PDZD2: variants seen among roughly 807,000 people sequenced by gnomAD.
PDZD2 encodes PDZ domain-containing protein 2.
A neutral mutation model predicts 220.7 loss-of-function variants in PDZD2; 90 were observed. The ratio of observed to expected loss-of-function variants is 0.41; its 90% CI spans 0.34 to 0.49. PDZD2 has a LOEUF of 0.49. PDZD2 is among the 20% of genes least tolerant of loss of function. PDZD2 has a pLI of 0.28. For synonymous variants in PDZD2, 1,375 were observed against 1,450.5 expected (o/e 0.95, Z 1.18); for missense variants, 3,174 against 3,608.5 (o/e 0.88, Z 3.08).
At chr5:31,889,635 G>A (rs1174595634) in intron 2 of PDZD2, among the ~76,000 whole-genome samples, 2 of 152,194 alleles carry the variant, frequency 1.3e-5, no homozygotes, top group Non-Finnish European at 2.9e-5. Context: ...GCCAACACTT[G>A]CTTTAAGTGT....
chr5:31,728,130 AT>A (rs1036325586), intron 1 of PDZD2, among the ~76,000 whole-genome samples: 3 of 151,866 alleles, frequency 2.0e-5, no homozygotes, highest in Non-Finnish European at 4.4e-5. Flanking sequence ...CATTATTGAC[AT>A]TTTGGGTGGG....
At chr5:31,810,020 G>A (rs752961155) in intron 2 of PDZD2, among the ~76,000 whole-genome samples, 25 of 152,042 alleles carry the variant, frequency 1.6e-4, no homozygotes, top group African/African-American at 2.2e-4. Context: ...CACTACTTTC[G>A]GGAATTGTAA....
At chr5:31,889,171 T>C (rs1453247859) in intron 2 of PDZD2, among the ~76,000 whole-genome samples, 1 of 152,232 alleles carries the variant, frequency 6.6e-6, no homozygotes, top group African/African-American at 2.4e-5. Context: ...CCCAGCCACT[T>C]GAAATCTGAA....
chr5:31,951,795 A>G (rs1255031720), intron 2 of PDZD2, among the ~76,000 whole-genome samples: 1 of 152,196 alleles, frequency 6.6e-6, no homozygotes, highest in Admixed American at 6.5e-5. Context: ...TTGCTCTTGT[A>G]TGTGATCACT....
intron 6 of PDZD2, among the ~76,000 whole-genome samples, chr5:32,019,099 G>T (rs1039466578): frequency 1.4e-5 from 2 of 144,532 alleles, no homozygotes; most frequent in Non-Finnish European, 3.0e-5. Context: ...GGAGTTTGCA[G>T]TTCTCTAAGT....
intron 1 of PDZD2, among the ~76,000 whole-genome samples, chr5:31,796,275 G>A (rs1025434341): frequency 2.0e-5 from 3 of 152,062 alleles, no homozygotes; most frequent in African/African-American, 7.2e-5. Flanking sequence ...TGTAAGGATC[G>A]ATGCTGTCTT....
intron 15 of PDZD2, among the ~76,000 whole-genome samples, chr5:32,070,918 GC>G (rs1192666362): frequency 1.1e-4 from 8 of 75,792 alleles, no homozygotes; most frequent in Non-Finnish European, 2.6e-5. Context: ...GTTTCAGTGA[GC>G]CGAGATCATG....
chr5:32,062,294 C>T (rs1314098377), intron 14 of PDZD2, among the ~76,000 whole-genome samples: 2 of 152,066 alleles, frequency 1.3e-5, no homozygotes, highest in Non-Finnish European at 2.9e-5. Context: ...AAATAAAGCC[C>T]AGCATTTCAA....
At chr5:32,063,290 C>A (rs182508631) in intron 14 of PDZD2, among the ~76,000 whole-genome samples, 7 of 152,170 alleles carry the variant, frequency 4.6e-5, no homozygotes, top group Non-Finnish European at 1.0e-4. Context: ...AGTGATCCTC[C>A]CACTGGATGA....
At chr5:31,879,274 C>T (rs1739636041) in intron 2 of PDZD2, among the ~76,000 whole-genome samples, 1 of 151,820 alleles carries the variant, frequency 6.6e-6, no homozygotes, top group African/African-American at 2.4e-5. Context: ...GTAGTCCCAC[C>T]TACTTGGGAG....
chr5:31,974,095 T>C (rs574405205), intron 2 of PDZD2, among the ~76,000 whole-genome samples: 27 of 152,290 alleles, frequency 1.8e-4, no homozygotes, highest in African/African-American at 4.6e-4. Flanking sequence ...ATTCTCCTGT[T>C]TCAGCCTCCC....
At chr5:31,916,417 G>A (rs991214759) in intron 2 of PDZD2, among the ~76,000 whole-genome samples, 1 of 152,190 alleles carries the variant, frequency 6.6e-6, no homozygotes, top group Non-Finnish European at 1.5e-5. Context: ...ACTCCCACTG[G>A]GTCCCCGATT....
At position 32,108,164 on chromosome 5, in the gene PDZD2, T is replaced by C. The variant is rs751658638; in HGVS notation, c.*29T>C. 9.9e-6 allele frequency: 15 copies of C among 1,515,958 alleles called. No individual in the cohort carries two copies. The highest frequency in any genetic ancestry group is 1.3e-5 in the Non-Finnish European group (14 of 1,102,988). 93.9% of individuals were successfully genotyped at this position (1,515,958 alleles called of 1,614,324 possible). On this transcript the variant is annotated 3_prime_UTR_variant, in exon 25 of 25. Coordinates refer to ENST00000438447, the MANE Select transcript of PDZD2 (RefSeq NM_178140.4). ...TTAACAAGAATCATTTTCTCAGTTC[T>C]CTTCTTTCTTTAGCAAATCAGAGTG...
chr5:31,959,880 C>T (rs1748054488), intron 2 of PDZD2, among the ~76,000 whole-genome samples: 2 of 152,076 alleles, frequency 1.3e-5, no homozygotes, highest in Non-Finnish European at 1.5e-5. Context: ...ATACCTCTCT[C>T]TCAGTTTCTA....
chr5:31,657,779 G>A (rs573518252), intron 1 of PDZD2, among the ~76,000 whole-genome samples: 15 of 152,312 alleles, frequency 9.8e-5, no homozygotes, highest in East Asian at 9.7e-4. Flanking sequence ...GCCAGGGACA[G>A]AGTGTTGACC....
At chr5:31,827,780 G>C (rs1192668924) in intron 2 of PDZD2, among the ~76,000 whole-genome samples, 1 of 151,814 alleles carries the variant, frequency 6.6e-6, no homozygotes, top group Non-Finnish European at 1.5e-5. Context: ...CCTTTAAAAT[G>C]TACAATTGAG....
chr5:31,737,265 C>A (rs1294410475), intron 1 of PDZD2, among the ~76,000 whole-genome samples: 1 of 146,614 alleles, frequency 6.8e-6, no homozygotes, highest in African/African-American at 2.5e-5. Flanking sequence ...CTCCGCCTCT[C>A]AGGTTCACGC....
intron 7 of PDZD2, among the ~76,000 whole-genome samples, chr5:32,043,251 T>A (rs1033229153): frequency 6.6e-6 from 1 of 152,238 alleles, no homozygotes; most frequent in African/African-American, 2.4e-5. Context: ...ATTCCAGGGC[T>A]GGCCACTGTT....
chr5:31,865,089 C>T (rs1034123843), intron 2 of PDZD2, among the ~76,000 whole-genome samples: 25 of 151,354 alleles, frequency 1.7e-4, no homozygotes, highest in African/African-American at 5.1e-4. Flanking sequence ...CCTCGTGATC[C>T]GCCCGCCTCA....
Sources: allele counts gnomAD v4.1 joint callset (sites outside exome capture counted in the v4.1 genomes callset), GRCh38; gene constraint gnomAD v4.1.1; transcripts MANE v1.5; gene names NCBI Gene and HGNC (gene_info 2026-07-23, HGNC 2026-07-21).